Variants in ANPEP observed in about 807,000 individuals in gnomAD.
The protein encoded by ANPEP is alanyl aminopeptidase, membrane.
Under a neutral mutation model 114.6 loss-of-function variants are expected in ANPEP, and 70 were observed. That is an observed-to-expected ratio of 0.61 (90% CI 0.50 to 0.75). The LOEUF (loss-of-function observed/expected upper bound fraction) is 0.75. ANPEP is among the 30% of genes least tolerant of loss of function. ANPEP has a pLI of 0.00. For synonymous variants in ANPEP, 548 were observed against 522.3 expected, an observed-to-expected ratio of 1.05 and a Z score of -0.67; for missense variants, 1,184 against 1,259.5, an observed-to-expected ratio of 0.94 and a Z score of 0.91.
Position 89,806,145 on chromosome 15 carries a change from G to T in ANPEP, c.439C>A (p.Pro147Thr). The change falls in exon 2 of 21, where the codon CCC (proline) becomes ACC (threonine). Residue 147 changes from proline to threonine, a missense_variant. Pro to Thr is a conservative substitution (Grantham distance 38). Transcript: ENST00000300060. The surrounding 1 kb of genome is among the most constrained non-coding windows in gnomAD (Gnocchi z 5.7). ...AGCTCAGTCTTGTCAATGTCGGGGGGCTGGGAGCCTCCCACACCACGCAGG... is the reference window on the plus strand; with the variant it reads ...AGCTCAGTCTTGTCAATGTCGGGGGTCTGGGAGCCTCCCACACCACGCAGG... The part of the protein sequence containing the change: ...VVLRGVGGSQ[P>T]PDIDKTELVE... The T allele has an allele frequency of 1.2e-6, 2 of 1,614,070 alleles. No homozygotes were observed. The highest frequency in any genetic ancestry group is 1.7e-6 in the Non-Finnish European group (2 of 1,179,998).
At position 89,806,367 on chromosome 15, in the gene ANPEP, G is replaced by T. The variant is rs200298670; in HGVS notation, c.217C>A (p.Arg73Ser). 2.5e-6 allele frequency: 4 copies of T among 1,614,170 alleles called. No individual in the cohort carries two copies. In the South Asian group the frequency reaches 4.4e-5, roughly 18 times the overall value. ...TTCAGCGTGTTGGGGAGGCGGTAAC[G>T]ATTCCACGCTTTACTTTGGTCCAAG... ...TTLDQSKAWN[R>S]YRLPNTLKPD... Residue 73 changes from arginine (R) to serine (S), a missense_variant, in exon 2 of 21, where the codon CGT becomes AGT. Transcript: ENST00000300060. The surrounding 1 kb of genome is among the most constrained non-coding windows in gnomAD (Gnocchi z 5.7).
At chr15:89,798,920 C>T (rs1259742796) in intron 14 of ANPEP, among the ~76,000 whole-genome samples, 5 of 151,844 alleles carry the variant, frequency 3.3e-5, no homozygotes, top group Non-Finnish European at 5.9e-5. Context: ...ACCTGGGCAA[C>T]AGAGCGAGAC....
At chr15:89,787,040 CTTTTTT>C (rs1015822999) in intron 20 of ANPEP, among the ~76,000 whole-genome samples, 1 of 91,038 alleles carries the variant, frequency 1.1e-5, no homozygotes, top group Admixed American at 1.5e-4. Flanking sequence ...TAATAAAACT[CTTTTTT>C]TTTTTTTTTT....
intron 10 of ANPEP, among the ~76,000 whole-genome samples, chr15:89,801,948 G>C (rs191209832): frequency 2.6e-5 from 4 of 152,204 alleles, no homozygotes; most frequent in Non-Finnish European, 5.9e-5. Flanking sequence ...ACAGAGATGA[G>C]AGAAAGCCAG....
Position 89,803,739 on chromosome 15 carries a change from GTGCATCCACTGCCATCA to G in ANPEP, c.1328_1344del (p.Val443AlafsTer22), listed in dbSNP as rs1894646130. On this transcript the variant is annotated frameshift_variant, in exon 8 of 21. Coordinates refer to ENST00000300060, the MANE Select transcript of ANPEP (RefSeq NM_001150.3). LOFTEE classifies it high-confidence loss of function. This position sits in a 1 kb window ranked among gnomAD's most constrained non-coding sequence, Gnocchi z 4.2. ...GTGGACAGCGGGTGGGAGGAGGCCA[GTGCATCCACTGCCATCA>G]CGCGGTACACATCATTCAGCACCAT... The G allele has an allele frequency of 1.2e-6, 2 of 1,611,878 alleles. No individual in the cohort carries two copies. The highest frequency in any genetic ancestry group is 1.7e-6 in the Non-Finnish European group (2 of 1,178,562).
intron 1 of ANPEP, among the ~76,000 whole-genome samples, chr15:89,813,759 A>C (rs1894856034): frequency 6.6e-6 from 1 of 152,156 alleles, no homozygotes; most frequent in Non-Finnish European, 1.5e-5. Context: ...CCTCTGGTCC[A>C]AGCCTCCCCT....
chr15:89,804,049 C>T lies in ANPEP; in HGVS notation c.1180-47G>A, dbSNP rs1390409972. ...GGGCAAGCCACGCCCAGGCTGGGCACTGAGAATCCCCAGAACTACCCTCCC... is the reference window on the plus strand; with the variant it reads ...GGGCAAGCCACGCCCAGGCTGGGCATTGAGAATCCCCAGAACTACCCTCCC... On this transcript the variant is annotated intron_variant, in intron 6 of 20. Transcript: ENST00000300060. 6.9e-6 allele frequency: 11 copies of T among 1,600,876 alleles called. No homozygotes were observed. The South Asian group carries it at 8.8e-5, about 13-fold the overall frequency.
At chr15:89,790,903 G>A in intron 19 of ANPEP, 50 bp downstream of exon 19, 1 of 1,599,242 alleles carries the variant, frequency 6.3e-7, no homozygotes. Flanking sequence ...CACCCCCCGG[G>A]GCCCCAGCCT....
Position 89,790,523 on chromosome 15 carries a change from G to A in ANPEP, c.2688C>T (p.Phe896=). Residue 896 remains phenylalanine, a synonymous_variant, in exon 20 of 21, where the codon TTC becomes TTT. Transcript: ENST00000300060. ...CTGCCTGGATGAGGTTGGAGAAGGA[G>A]AACGAGCCACCACCATAACTGCAGG... ...KLFNDYGGGS[F]SFSNLIQAVT... The A allele has an allele frequency of 1.2e-6, 2 of 1,614,044 alleles. No homozygotes were observed. Among genetic ancestry groups the A allele is most frequent in the South Asian group, 1.1e-5 (1 of 91,070 alleles).
Position 89,801,153 on chromosome 15 carries a change from C to G in ANPEP, c.1777G>C (p.Asp593His). The G allele has an allele frequency of 6.2e-7, 1 of 1,614,162 alleles. No homozygotes were observed. The highest frequency in any genetic ancestry group is 1.1e-5 in the South Asian group (1 of 91,074). ...CAGTAGTCCTGCTGCTGTCTGCCAT[C>G]TCTGATGGATGTGATGGGCACAATC... ...VWIVPITSIR[D>H]GRQQQDYWLI... Residue 593 changes from aspartate to histidine, a missense_variant, in exon 12 of 21, where the codon GAT becomes CAT. Transcript: ENST00000300060.
At chr15:89,813,996 G>GGGGC (rs1555442958) in intron 1 of ANPEP, among the ~76,000 whole-genome samples, 1 of 145,060 alleles carries the variant, frequency 6.9e-6, no homozygotes, top group African/African-American at 2.5e-5. Flanking sequence ...ACTGCTGGGG[G>GGGGC]GGGGGGGTGC....
intron 15 of ANPEP, 37 bp from the exon 16 acceptor site, chr15:89,793,163 A>C (rs2141793555): frequency 7.7e-6 from 12 of 1,567,180 alleles, no homozygotes; most frequent in Non-Finnish European, 1.1e-5. Flanking sequence ...TCAAAGACTC[A>C]TGCCTGACCT....
At chr15:89,792,860 G>A (rs1206520291) in intron 16 of ANPEP, among the ~76,000 whole-genome samples, 175 bp downstream of exon 16, 1 of 152,206 alleles carries the variant, frequency 6.6e-6, no homozygotes, top group East Asian at 1.9e-4. Context: ...AAAGAGGTCC[G>A]ATGGGCCCTC....
intron 1 of ANPEP, among the ~76,000 whole-genome samples, chr15:89,813,236 C>G (rs1010950227): frequency 2.6e-5 from 4 of 152,328 alleles, no homozygotes; most frequent in Middle Eastern, 3.4e-3. Flanking sequence ...AGCCCAGGAA[C>G]TGGACCCAGT....
intron 4 of ANPEP, chr15:89,804,875 CT>C: frequency 2.3e-6 from 2 of 870,542 alleles, no homozygotes; most frequent in East Asian, 2.7e-5. Flanking sequence ...CAGGAACTCC[CT>C]TCATGAAGAG....
rs199937838 is a variant in ANPEP at position 89,806,462 on chromosome 15, G to T, written c.122C>A (p.Ala41Asp). ...GGTGGAGGCCACGGGGGAGCTGTTG[G>T]CGTTCTTGTTCTTCTCCTGGGAGTA... ...VVYSQEKNKN[A>D]NSSPVASTTP... The change falls in exon 2 of 21, where the codon GCC becomes GAC. Residue 41 changes from alanine (A) to aspartate (D), a missense_variant. By Grantham distance (126) the Ala-to-Asp change is moderately radical. Coordinates refer to ENST00000300060, the MANE Select transcript of ANPEP (RefSeq NM_001150.3). This position sits in a 1 kb window ranked among gnomAD's most constrained non-coding sequence, Gnocchi z 5.7. 6.2e-7 allele frequency: 1 copy of T among 1,614,154 alleles called. No individual in the cohort carries two copies. The highest frequency in any genetic ancestry group is 8.5e-7 in the Non-Finnish European group (1 of 1,180,010).
intron 15 of ANPEP, among the ~76,000 whole-genome samples, chr15:89,794,937 C>T (rs1429052367): frequency 1.3e-5 from 2 of 152,136 alleles, no homozygotes; most frequent in Non-Finnish European, 2.9e-5. Context: ...CCAGTCACCT[C>T]GCAATGAGAT....
intron 20 of ANPEP, 149 bp downstream of exon 20, chr15:89,790,311 A>C: frequency 1.6e-6 from 1 of 626,618 alleles, no homozygotes; most frequent in Admixed American, 3.0e-5. Flanking sequence ...ACATTTCCAA[A>C]GTCTGGCTAC....
At chr15:89,787,095 G>A (rs578087203) in intron 20 of ANPEP, among the ~76,000 whole-genome samples, 313 of 131,564 alleles carry the variant, frequency 2.4e-3, no homozygotes, top group African/African-American at 7.4e-3. Flanking sequence ...ATCCAGGCTA[G>A]AGTGCAGTGG....
Sources: allele counts gnomAD v4.1 joint callset (sites outside exome capture counted in the v4.1 genomes callset), GRCh38; gene constraint gnomAD v4.1.1; non-coding constraint Gnocchi (gnomAD v3.1); transcripts MANE v1.5; gene names NCBI Gene and HGNC (gene_info 2026-07-23, HGNC 2026-07-21).